The following PRKAG2 variants were observed in gnomAD, a reference collection of about 807,000 sequenced individuals.
The protein encoded by PRKAG2 is protein kinase AMP-activated non-catalytic subunit gamma 2.
In PRKAG2, 26 loss-of-function variants were observed where a neutral mutation model predicts 69.6. That is an observed-to-expected ratio of 0.37 (90% confidence interval 0.27 to 0.52). PRKAG2 has a LOEUF of 0.52. Among genes scored for constraint, PRKAG2 ranks in the 20% least tolerant of loss-of-function variants. PRKAG2 has a pLI of 0.90. For synonymous variants in PRKAG2, 293 were observed against 285.0 expected (o/e 1.03, Z -0.28); for missense variants, 557 against 740.0 (o/e 0.75, Z 2.87).
At chr7:151,563,061 A>G (rs772126530) in intron 14 of PRKAG2, among the ~76,000 whole-genome samples, 9 of 152,284 alleles carry the variant, frequency 5.9e-5, no homozygotes, top group Non-Finnish European at 1.3e-4. Flanking sequence ...TCAGACTGAA[A>G]TGACTCCCCA....
chr7:151,753,709 G>A (rs763726713), intron 3 of PRKAG2, among the ~76,000 whole-genome samples: 6 of 151,966 alleles, frequency 3.9e-5, no homozygotes, highest in Admixed American at 6.6e-5. Context: ...GAGCCACCTC[G>A]CCCAGCCCTA....
At chr7:151,601,800 C>G (rs1816142543) in intron 5 of PRKAG2, among the ~76,000 whole-genome samples, 1 of 152,146 alleles carries the variant, frequency 6.6e-6, no homozygotes, top group Admixed American at 6.5e-5. Context: ...GCGGGGATGC[C>G]GCAGGGAAGA....
Position 151,781,131 on chromosome 7 carries a change from A to G in PRKAG2, c.466+21T>C. 6.2e-7 allele frequency: 1 copy of G among 1,613,502 alleles called. No individual in the cohort carries two copies. The highest frequency in any genetic ancestry group is 8.5e-7 in the Non-Finnish European group (1 of 1,180,004). ...CCCAGCACCCCAGCACCCACCTGAA[A>G]CAATAGCATCAAGGTCTTACTTTTT... On this transcript the variant is annotated intron_variant, in intron 3 of 15. Coordinates refer to ENST00000287878, the MANE Select transcript of PRKAG2 (RefSeq NM_016203.4). The surrounding 1 kb of genome is among the most constrained non-coding windows in gnomAD (Gnocchi z 6.1).
intron 8 of PRKAG2, among the ~76,000 whole-genome samples, chr7:151,573,253 G>C (rs1481074625): frequency 6.6e-6 from 1 of 150,924 alleles, no homozygotes; most frequent in Non-Finnish European, 1.5e-5. Flanking sequence ...AACCTCCCAG[G>C]CTTAAGTAAT....
intron 1 of PRKAG2, among the ~76,000 whole-genome samples, chr7:151,831,593 G>C (rs2079026451): frequency 6.6e-6 from 1 of 152,184 alleles, no homozygotes; most frequent in Admixed American, 6.5e-5. Context: ...GGAGTTCTGG[G>C]CCAATCCTTA....
chr7:151,595,718 A>G (rs780335307), intron 5 of PRKAG2, among the ~76,000 whole-genome samples: 14 of 152,256 alleles, frequency 9.2e-5, no homozygotes, highest in Non-Finnish European at 8.8e-5. Flanking sequence ...CTTTATGTGC[A>G]CACTGTATGA....
At chr7:151,609,671 A>T (rs2151207333) in intron 5 of PRKAG2, among the ~76,000 whole-genome samples, 1 of 152,002 alleles carries the variant, frequency 6.6e-6, no homozygotes, top group South Asian at 2.1e-4. Context: ...GAGCGTGAGG[A>T]CTCACTTCCC....
At position 151,807,183 on chromosome 7, in the gene PRKAG2, C is replaced by G. The variant is rs1045861156; in HGVS notation, c.115-20642G>C. ...CATGACTGTGCACACTTACGACAAC[C>G]CATCTAATTGTATACTGTCAGTCAA... is the stretch of plus-strand genomic sequence containing the variant. On this transcript the variant is annotated intron_variant, in intron 1 of 15. Coordinates refer to ENST00000287878, the MANE Select transcript of PRKAG2 (RefSeq NM_016203.4). The surrounding 1 kb of genome is among the most constrained non-coding windows in gnomAD (Gnocchi z 4.4). 2.7e-6 allele frequency: 1 copy of G among 367,460 alleles called. No homozygotes were observed. The highest frequency in any genetic ancestry group is 2.1e-5 in the African/African-American group (1 of 46,968). 22.8% of individuals were successfully genotyped at this position (367,460 alleles called of 1,614,324 possible).
intron 3 of PRKAG2, among the ~76,000 whole-genome samples, chr7:151,692,895 G>A (rs1033544275): frequency 1.3e-5 from 2 of 152,140 alleles, no homozygotes; most frequent in Non-Finnish European, 2.9e-5. Flanking sequence ...GAGGGGGAAG[G>A]AGCGAGGTCT....
intron 3 of PRKAG2, among the ~76,000 whole-genome samples, chr7:151,758,430 T>G (rs564807865): frequency 6.6e-6 from 1 of 152,248 alleles, no homozygotes; most frequent in Non-Finnish European, 1.5e-5. Context: ...CAACTACCCC[T>G]GAACTATGTC....
intron 1 of PRKAG2, among the ~76,000 whole-genome samples, chr7:151,856,491 G>A (rs944682396): frequency 6.6e-6 from 1 of 152,232 alleles, no homozygotes; most frequent in African/African-American, 2.4e-5. Context: ...AGGGAAGGGC[G>A]TGGATTTTGG....
At chr7:151,599,760 T>C (rs1815559661) in intron 5 of PRKAG2, among the ~76,000 whole-genome samples, 1 of 152,156 alleles carries the variant, frequency 6.6e-6, no homozygotes, top group African/African-American at 2.4e-5. Context: ...GCCCCTTGCC[T>C]CCTGCTGTGC....
intron 6 of PRKAG2, among the ~76,000 whole-genome samples, chr7:151,585,521 G>A (rs1811446227): frequency 6.6e-6 from 1 of 152,138 alleles, no homozygotes; most frequent in Admixed American, 6.5e-5. Context: ...GGCAGGGCTT[G>A]CCATTCTCCC....
intron 3 of PRKAG2, among the ~76,000 whole-genome samples, chr7:151,732,629 C>T (rs927299861): frequency 2.6e-4 from 40 of 152,326 alleles, no homozygotes; most frequent in African/African-American, 9.6e-4. Flanking sequence ...AGGGTTAGAG[C>T]TACAGACCGT....
chr7:151,576,859 T>A (rs1809070330), intron 6 of PRKAG2, among the ~76,000 whole-genome samples: 1 of 152,214 alleles, frequency 6.6e-6, no homozygotes, highest in African/African-American at 2.4e-5. Flanking sequence ...ATAATAAGTT[T>A]CGTAAGTTTG....
intron 1 of PRKAG2, among the ~76,000 whole-genome samples, chr7:151,870,716 G>T (rs568987915): frequency 1.4e-4 from 21 of 152,256 alleles, no homozygotes; most frequent in Non-Finnish European, 2.6e-4. Flanking sequence ...CTATGGGGCA[G>T]GAGCTGGGTG....
rs988262621 is a variant in PRKAG2, at chr7:151,876,864, C to G, written c.-244G>C. The G allele has an allele frequency of 1.7e-6, 1 of 574,800 alleles. No individual in the cohort carries two copies. Among genetic ancestry groups the G allele is most frequent in the Non-Finnish European group, 3.1e-6 (1 of 320,772 alleles). The allele number at this position is 574,800 out of a possible 1,614,324, so 35.6% of individuals were successfully genotyped here. A position where few individuals can be genotyped will look rare whatever the true frequency, so the allele number is the denominator to read the frequency against. Reference sequence around the variant, plus strand: ...TAGGCAAATCAGTCAAAGCCCGTCCCGGTTCTGGTGTCTCCCCGGGTTACT... The same window carrying G: ...TAGGCAAATCAGTCAAAGCCCGTCCGGGTTCTGGTGTCTCCCCGGGTTACT... On this transcript the variant is annotated 5_prime_UTR_variant, in exon 1 of 16. Coordinates refer to ENST00000287878, the MANE Select transcript of PRKAG2 (RefSeq NM_016203.4).
rs1370804909 is a variant in PRKAG2 at position 151,638,495 on chromosome 7, A to C, written c.685-6357T>G. Reference sequence around the variant, plus strand: ...CTAAAAATACAAAAATTAGCCGGGCATGGTTGCGCACACCTGTAGTCCCAG... The same window carrying C: ...CTAAAAATACAAAAATTAGCCGGGCCTGGTTGCGCACACCTGTAGTCCCAG... On this transcript the variant is annotated intron_variant, in intron 4 of 15. Coordinates refer to ENST00000287878, the MANE Select transcript of PRKAG2 (RefSeq NM_016203.4). This position sits in a 1 kb window ranked among gnomAD's most constrained non-coding sequence, Gnocchi z 4.3. Among the ~76,000 whole-genome samples, 9 of 152,082 alleles carry C rather than the reference A, an allele frequency of 5.9e-5. No homozygotes were observed. Among genetic ancestry groups the C allele is most frequent in the Non-Finnish European group, 1.3e-4 (9 of 68,006 alleles).
intron 6 of PRKAG2, among the ~76,000 whole-genome samples, chr7:151,584,318 C>G (rs891952459): frequency 6.6e-6 from 1 of 152,152 alleles, no homozygotes; most frequent in Non-Finnish European, 1.5e-5. Context: ...TTCAGTGAAG[C>G]CCACCAAGCA....
Sources: allele counts gnomAD v4.1 joint callset (sites outside exome capture counted in the v4.1 genomes callset), GRCh38; gene constraint gnomAD v4.1.1; non-coding constraint Gnocchi (gnomAD v3.1); transcripts MANE v1.5; gene names NCBI Gene and HGNC (gene_info 2026-07-23, HGNC 2026-07-21).